The following MAN2A1 variants were observed in gnomAD, a reference collection of about 807,000 sequenced individuals.
MAN2A1 encodes mannosidase alpha class 2A member 1.
Under a neutral mutation model 142.6 loss-of-function variants are expected in MAN2A1, and 76 were observed. The ratio of observed to expected loss-of-function variants is 0.53; its 90% CI spans 0.44 to 0.65. MAN2A1 has a LOEUF of 0.65. Ranked by LOEUF, MAN2A1 falls within the 30% of genes least tolerant of loss-of-function variation. MAN2A1 has a pLI of 0.00. For missense variants in MAN2A1, 1,311 were observed against 1,365.1 expected (o/e 0.96, Z 0.62); for synonymous variants, 559 against 473.2 (o/e 1.18, Z -2.35).
chr5:109,784,670 A>G (rs1489449564), intron 9 of MAN2A1, 74 bp from the exon 10 acceptor site: 2 of 1,176,596 alleles, frequency 1.7e-6, no homozygotes, highest in Non-Finnish European at 2.3e-6. Flanking sequence ...TTTGTAAAGT[A>G]TCAATGTCAC....
intron 8 of MAN2A1, among the ~76,000 whole-genome samples, chr5:109,779,228 C>G (rs1185789230): frequency 6.6e-6 from 1 of 152,100 alleles, no homozygotes; most frequent in Non-Finnish European, 1.5e-5. Flanking sequence ...CTAAACTGCT[C>G]TGGGACATTG....
intron 12 of MAN2A1, among the ~76,000 whole-genome samples, chr5:109,791,117 T>C (rs1475858777): frequency 6.6e-6 from 1 of 152,124 alleles, no homozygotes. Context: ...TTTTTGATAT[T>C]TCTTTTTAAA....
At chr5:109,734,301 T>A (rs1170214735) in intron 4 of MAN2A1, among the ~76,000 whole-genome samples, 1 of 134,320 alleles carries the variant, frequency 7.4e-6, no homozygotes, top group Non-Finnish European at 1.6e-5. Context: ...TGTTGATCTT[T>A]TGAAAAAAAA....
intron 5 of MAN2A1, among the ~76,000 whole-genome samples, chr5:109,762,234 T>C (rs1752872005): frequency 6.6e-6 from 1 of 152,192 alleles, no homozygotes; most frequent in Non-Finnish European, 1.5e-5. Flanking sequence ...CTTTATAGTT[T>C]TCTGTAGGGC....
chr5:109,838,863 T>C (rs1328143654), intron 16 of MAN2A1, among the ~76,000 whole-genome samples: 1 of 152,176 alleles, frequency 6.6e-6, no homozygotes, highest in Non-Finnish European at 1.5e-5. Flanking sequence ...AATACTGAGG[T>C]TGAGAAAGAT....
At chr5:109,704,162 A>G (rs1016050290) in intron 1 of MAN2A1, among the ~76,000 whole-genome samples, 2 of 152,236 alleles carry the variant, frequency 1.3e-5, no homozygotes, top group Admixed American at 1.3e-4. Context: ...GTGCTCTGCC[A>G]GAACAAGGGA....
intron 12 of MAN2A1, among the ~76,000 whole-genome samples, chr5:109,790,829 C>G (rs1582900360): frequency 6.6e-6 from 1 of 151,988 alleles, no homozygotes; most frequent in Admixed American, 6.6e-5. Context: ...TGATTTGTGC[C>G]CCATCTCTGG....
At chr5:109,845,737 A>G in intron 17 of MAN2A1, 128 bp from the exon 18 acceptor site, 1 of 606,340 alleles carries the variant, frequency 1.6e-6, no homozygotes, top group South Asian at 3.4e-5. Flanking sequence ...TTTTTAAATT[A>G]TTTCTTCCAC....
intron 5 of MAN2A1, among the ~76,000 whole-genome samples, chr5:109,764,496 C>T (rs1176594401): frequency 6.6e-6 from 1 of 152,092 alleles, no homozygotes; most frequent in Non-Finnish European, 1.5e-5. Flanking sequence ...CCTTACCCTC[C>T]TTTTAAAAAG....
At chr5:109,749,310 G>C (rs1582856207) in intron 4 of MAN2A1, among the ~76,000 whole-genome samples, 1 of 152,230 alleles carries the variant, frequency 6.6e-6, no homozygotes, top group East Asian at 1.9e-4. Flanking sequence ...ATGATTTGCA[G>C]CTTGTTGTGC....
intron 4 of MAN2A1, among the ~76,000 whole-genome samples, chr5:109,732,848 T>C (rs1328489056): frequency 6.6e-6 from 1 of 151,976 alleles, no homozygotes; most frequent in East Asian, 1.9e-4. Context: ...CGATGCGGGC[T>C]CTTTTTTGGT....
rs371844299 is a variant in MAN2A1 at position 109,690,410 on chromosome 5, C to T, written c.-8C>T. 8.1e-6 allele frequency: 13 copies of T among 1,613,918 alleles called. No individual in the cohort carries two copies. In the African/African-American group the frequency reaches 1.6e-4, roughly 20 times the overall value. On this transcript the variant is annotated 5_prime_UTR_variant, in exon 1 of 22. Transcript: ENST00000261483. Reference sequence around the variant, plus strand: ...GAGAGTGTCCTGGCCCCGAGTCTATCGAGGAAAATGAAGTTAAGCCGCCAG... The same window carrying T: ...GAGAGTGTCCTGGCCCCGAGTCTATTGAGGAAAATGAAGTTAAGCCGCCAG...
Position 109,755,452 on chromosome 5 carries a change from T to C in MAN2A1, c.831T>C (p.Asn277=). The change falls in exon 5 of 22, where the codon AAT becomes AAC. Residue 277 remains asparagine, a synonymous_variant. Transcript: ENST00000261483. ...LIEGHQWLEN[N]IGVKPRSGWA... is the part of the protein sequence containing the mutation. ...AAGGACATCAGTGGCTGGAAAATAA[T>C]ATAGGTATGTATTGGTATATTCTTT... 6.2e-7 allele frequency: 1 copy of C among 1,610,528 alleles called. No homozygotes were observed. The highest frequency in any genetic ancestry group is 8.5e-7 in the Non-Finnish European group (1 of 1,177,182).
intron 2 of MAN2A1, among the ~76,000 whole-genome samples, chr5:109,715,690 A>G (rs180765084): frequency 9.4e-4 from 143 of 152,340 alleles, no homozygotes; most frequent in Non-Finnish European, 5.9e-5. Context: ...TTTAATATAC[A>G]TGAGATTTAC....
intron 16 of MAN2A1, among the ~76,000 whole-genome samples, chr5:109,829,252 A>T (rs1304878802): frequency 1.3e-5 from 2 of 152,196 alleles, no homozygotes; most frequent in Admixed American, 6.5e-5. Flanking sequence ...AAAAGAAGTC[A>T]GGAGGAGCCA....
chr5:109,724,202 C>G (rs907231468), intron 3 of MAN2A1, among the ~76,000 whole-genome samples: 2 of 152,016 alleles, frequency 1.3e-5, no homozygotes, highest in Admixed American at 1.3e-4. Flanking sequence ...TGGAAGAAAC[C>G]TGTTCGTCAT....
intron 12 of MAN2A1, among the ~76,000 whole-genome samples, chr5:109,800,607 A>G (rs1370272539): frequency 1.3e-5 from 2 of 152,234 alleles, no homozygotes; most frequent in Non-Finnish European, 2.9e-5. Flanking sequence ...CAAATATTCT[A>G]CATGTGTAAG....
At chr5:109,774,546 T>C (rs1231318659) in intron 7 of MAN2A1, among the ~76,000 whole-genome samples, 2 of 152,158 alleles carry the variant, frequency 1.3e-5, no homozygotes, top group African/African-American at 4.8e-5. Context: ...ATTGGAAACC[T>C]ATGAGTTTTT....
chr5:109,740,355 G>T (rs1232683782), intron 4 of MAN2A1, among the ~76,000 whole-genome samples: 1 of 152,160 alleles, frequency 6.6e-6, no homozygotes, highest in Non-Finnish European at 1.5e-5. Flanking sequence ...CTGTTTCTTT[G>T]GTGTAGCTGC....
Sources: allele counts gnomAD v4.1 joint callset (sites outside exome capture counted in the v4.1 genomes callset), GRCh38; gene constraint gnomAD v4.1.1; transcripts MANE v1.5; gene names NCBI Gene and HGNC (gene_info 2026-07-23, HGNC 2026-07-21).